Variants in ALG6 observed in about 807,000 individuals in gnomAD.
ALG6 encodes the protein dolichyl pyrophosphate Man9GlcNAc2 alpha-1,3-glucosyltransferase.
Under a neutral mutation model 66.6 loss-of-function variants are expected in ALG6, and 46 were observed. The observed-to-expected ratio is 0.69, with a 90% CI of 0.55 to 0.88. ALG6 has a LOEUF of 0.88. ALG6 is among the 40% of genes least tolerant of loss of function. The pLI is 0.00. For missense variants in ALG6, 505 were observed against 586.8 expected (o/e 0.86, Z 1.44); for synonymous variants, 185 against 203.7 (o/e 0.91, Z 0.78).
chr1:63,399,315 C>A (rs1243028133), intron 3 of ALG6, among the ~76,000 whole-genome samples: 2 of 152,178 alleles, frequency 1.3e-5, no homozygotes, highest in African/African-American at 4.8e-5. Flanking sequence ...GAAACAGAAG[C>A]ACAAGAGTGA....
intron 2 of ALG6, among the ~76,000 whole-genome samples, chr1:63,381,138 G>A (rs925392955): frequency 7.9e-5 from 12 of 151,846 alleles, no homozygotes; most frequent in Admixed American, 4.6e-4. Flanking sequence ...TGGGCAATAC[G>A]GGGAAACCTT....
At position 63,411,080 on chromosome 1, in the gene ALG6, A is replaced by T; in HGVS notation, c.495-66A>T. The T allele has an allele frequency of 2.6e-6, 4 of 1,537,552 alleles. No individual in the cohort carries two copies. In the South Asian group the frequency reaches 4.6e-5, roughly 18 times the overall value. ...TTTCCTAGAGCATATCTCTTGTGTG[A>T]TTTGCTTTTTAAAAGCTCTATCTTT... On this transcript the variant is annotated intron_variant, in intron 7 of 14. Coordinates refer to ENST00000263440, the MANE Select transcript of ALG6 (RefSeq NM_013339.4).
At chr1:63,394,705 T>A (rs890591541) in intron 2 of ALG6, among the ~76,000 whole-genome samples, 1 of 152,002 alleles carries the variant, frequency 6.6e-6, no homozygotes, top group Non-Finnish European at 1.5e-5. Context: ...GAATAAAAGC[T>A]ACTTAACCAA....
intron 2 of ALG6, among the ~76,000 whole-genome samples, chr1:63,392,032 C>G (rs1648687420): frequency 6.6e-6 from 1 of 151,884 alleles, no homozygotes; most frequent in Admixed American, 6.6e-5. Flanking sequence ...TTTTTTTCCC[C>G]AAAGCTGCAT....
intron 12 of ALG6, among the ~76,000 whole-genome samples, chr1:63,422,313 C>T (rs865991601): frequency 1.3e-4 from 5 of 39,038 alleles, no homozygotes; most frequent in African/African-American, 6.8e-4. Context: ...AAATATATAT[C>T]TATATATGAA....
At chr1:63,374,155 A>C (rs1045557224) in intron 2 of ALG6, among the ~76,000 whole-genome samples, 1 of 152,204 alleles carries the variant, frequency 6.6e-6, no homozygotes, top group African/African-American at 2.4e-5. Context: ...CAGTGCTCTT[A>C]TGACTGTGCT....
chr1:63,399,919 G>C (rs566445763), intron 3 of ALG6, among the ~76,000 whole-genome samples: 1 of 151,528 alleles, frequency 6.6e-6, no homozygotes, highest in Admixed American at 6.6e-5. Flanking sequence ...AAGTAAGGCC[G>C]GGCGCAGTGG....
chr1:63,414,557 T>C (rs1175468434), intron 10 of ALG6, among the ~76,000 whole-genome samples: 1 of 152,140 alleles, frequency 6.6e-6, no homozygotes, highest in Non-Finnish European at 1.5e-5. Flanking sequence ...GCCGAGGTGT[T>C]TTTCTTTAGA....
At chr1:63,392,695 C>T (rs1313961309) in intron 2 of ALG6, among the ~76,000 whole-genome samples, 1 of 152,128 alleles carries the variant, frequency 6.6e-6, no homozygotes, top group African/African-American at 2.4e-5. Context: ...AGTAAATATA[C>T]ATTAGTGTGT....
intron 14 of ALG6, among the ~76,000 whole-genome samples, chr1:63,436,024 G>T (rs1442942753): frequency 6.6e-6 from 1 of 152,088 alleles, no homozygotes; most frequent in Non-Finnish European, 1.5e-5. Context: ...ACTCTTTGAG[G>T]CCAGAGGACC....
At chr1:63,414,254 T>TC (rs1337716090) in intron 10 of ALG6, 108 bp downstream of exon 10, 2 of 869,060 alleles carry the variant, frequency 2.3e-6, no homozygotes, top group Non-Finnish European at 3.5e-6. Context: ...GTTTTTCTTT[T>TC]CTTTTTTTTT....
At chr1:63,400,253 ATG>A (rs1264333021) in intron 3 of ALG6, among the ~76,000 whole-genome samples, 164 of 6,324 alleles carry the variant, frequency 0.026, 36 homozygotes, top group African/African-American at 0.11. Context: ...ACGTATATAT[ATG>A]TATATATATA....
At chr1:63,417,863 C>T (rs894171710) in intron 11 of ALG6, among the ~76,000 whole-genome samples, 6 of 152,148 alleles carry the variant, frequency 3.9e-5, no homozygotes, top group South Asian at 2.1e-4. Flanking sequence ...TGGCCGGGCA[C>T]GGTGGCTCAC....
intron 2 of ALG6, among the ~76,000 whole-genome samples, chr1:63,373,211 T>G (rs1376883832): frequency 6.6e-6 from 1 of 151,696 alleles, no homozygotes; most frequent in Non-Finnish European, 1.5e-5. Flanking sequence ...CTCACCATGT[T>G]GCCCAGGCTG....
intron 4 of ALG6, among the ~76,000 whole-genome samples, chr1:63,402,834 C>T (rs994116287): frequency 7.9e-5 from 12 of 151,074 alleles, no homozygotes; most frequent in Middle Eastern, 3.4e-3. Context: ...TGGTGGCTCA[C>T]GCCTGTAATC....
intron 2 of ALG6, among the ~76,000 whole-genome samples, chr1:63,388,365 C>T (rs1338240676): frequency 1.3e-5 from 2 of 152,134 alleles, no homozygotes; most frequent in African/African-American, 4.8e-5. Context: ...GGGGGTTTGG[C>T]CATGTTCCCC....
In ALG6 at chr1:63,429,099, A is replaced by G; in HGVS notation, c.1299A>G (p.Thr433=). ...TGAGGAAATATCTTCCATGTTTTACATTTCTTTCCAGAATTATACAATATT... is the reference window on the plus strand; with the variant it reads ...TGAGGAAATATCTTCCATGTTTTACGTTTCTTTCCAGAATTATACAATATT... ...ISVRKYLPCF[T]FLSRIIQYLF... The change falls in exon 14 of 15, where the codon ACA becomes ACG. Residue 433 remains threonine (T), a synonymous_variant. Coordinates refer to ENST00000263440, the MANE Select transcript of ALG6 (RefSeq NM_013339.4). 1 of 1,602,076 alleles carries G rather than the reference A, an allele frequency of 6.2e-7. No individual in the cohort carries two copies. Among genetic ancestry groups the G allele is most frequent in the Non-Finnish European group, 8.5e-7 (1 of 1,173,184 alleles).
At chr1:63,425,438 G>C (rs1644610267) in intron 12 of ALG6, among the ~76,000 whole-genome samples, 1 of 152,120 alleles carries the variant, frequency 6.6e-6, no homozygotes, top group Non-Finnish European at 1.5e-5. Flanking sequence ...TGTGATGGTG[G>C]GCATCTGTGA....
intron 9 of ALG6, among the ~76,000 whole-genome samples, chr1:63,412,555 G>A (rs2047816810): frequency 6.6e-6 from 1 of 152,026 alleles, no homozygotes; most frequent in Non-Finnish European, 1.5e-5. Flanking sequence ...TAATTTTTTG[G>A]TGTATATTCT....
Sources: gnomAD v4.1 joint callset for allele counts (sites outside exome capture counted in the v4.1 genomes callset) on GRCh38, gnomAD v4.1.1 for gene constraint, MANE v1.5 for transcripts, NCBI Gene and HGNC (gene_info 2026-07-23, HGNC 2026-07-21) for gene names.